The following PBX3 variants were observed in gnomAD, a reference collection of about 807,000 sequenced individuals.
The protein encoded by PBX3 is pre-B-cell leukemia transcription factor 3.
A neutral mutation model predicts 48.5 loss-of-function variants in PBX3; 14 were observed. That is an observed-to-expected ratio of 0.29 (90% CI 0.19 to 0.45). The LOEUF is 0.45. Ranked by LOEUF, PBX3 falls within the 20% of genes least tolerant of loss-of-function variation. PBX3 has a pLI of 1.00. For synonymous variants in PBX3, 210 were observed against 200.3 expected, an observed-to-expected ratio of 1.05 and a Z score of -0.41; for missense variants, 386 against 546.7, an observed-to-expected ratio of 0.71 and a Z score of 2.93.
At chr9:125,898,315 C>G (rs1840822392) in intron 2 of PBX3, among the ~76,000 whole-genome samples, 2 of 151,818 alleles carry the variant, frequency 1.3e-5, no homozygotes, top group Admixed American at 1.3e-4. Flanking sequence ...GAAATTTTCA[C>G]AGTCTCCTTT....
At chr9:125,782,806 C>A (rs59213482) in intron 2 of PBX3, among the ~76,000 whole-genome samples, 8,973 of 152,120 alleles carry the variant, frequency 0.059, 610 homozygotes, top group East Asian at 0.17. Flanking sequence ...TCATTTTTGA[C>A]GGACAATTTT....
At chr9:125,781,727 TCTG>T (rs149602786) in intron 2 of PBX3, among the ~76,000 whole-genome samples, 5,908 of 152,300 alleles carry the variant, frequency 0.039, 402 homozygotes, top group African/African-American at 0.13. Context: ...TTTACTTTCT[TCTG>T]CTAGATTTGG....
chr9:125,871,876 G>C (rs1840133757), intron 2 of PBX3, among the ~76,000 whole-genome samples: 1 of 152,200 alleles, frequency 6.6e-6, no homozygotes, highest in South Asian at 2.1e-4. Context: ...GCACAAAGGT[G>C]CTTCTAGGAA....
intron 2 of PBX3, among the ~76,000 whole-genome samples, chr9:125,852,797 CT>C (rs1270517147): frequency 6.6e-6 from 1 of 152,054 alleles, no homozygotes; most frequent in African/African-American, 2.4e-5. Flanking sequence ...TGAGACATTT[CT>C]TCTGCTTTTA....
intron 2 of PBX3, among the ~76,000 whole-genome samples, chr9:125,754,636 C>T (rs1836463429): frequency 6.6e-6 from 1 of 152,116 alleles, no homozygotes; most frequent in Non-Finnish European, 1.5e-5. Context: ...ACACTTGATT[C>T]TAATTATCCC....
At chr9:125,865,711 C>T (rs764183634) in intron 2 of PBX3, among the ~76,000 whole-genome samples, 4 of 152,086 alleles carry the variant, frequency 2.6e-5, no homozygotes, top group Non-Finnish European at 5.9e-5. Context: ...ATGGTGTCAC[C>T]TGTCTGGAGC....
At chr9:125,849,808 C>T (rs150466004) in intron 2 of PBX3, among the ~76,000 whole-genome samples, 98 of 152,030 alleles carry the variant, frequency 6.4e-4, no homozygotes, top group Non-Finnish European at 1.1e-3. Flanking sequence ...GTTTTCAGTG[C>T]TTTAGATGCA....
intron 2 of PBX3, among the ~76,000 whole-genome samples, chr9:125,909,368 G>A (rs1201829895): frequency 6.6e-6 from 1 of 152,142 alleles, no homozygotes; most frequent in Non-Finnish European, 1.5e-5. Context: ...TTTTCCCACA[G>A]AATGAACACA....
At chr9:125,793,366 A>AAAATATATATAT (rs59271982) in intron 2 of PBX3, among the ~76,000 whole-genome samples, 34 of 101,976 alleles carry the variant, frequency 3.3e-4, no homozygotes, top group African/African-American at 1.1e-3. Flanking sequence ...GGAAAAAAAA[A>AAAATATATATAT]ATATATATAT....
intron 2 of PBX3, among the ~76,000 whole-genome samples, chr9:125,790,345 C>T (rs1298860619): frequency 4.0e-5 from 6 of 150,880 alleles, no homozygotes; most frequent in Non-Finnish European, 7.4e-5. Flanking sequence ...CTCTACCTCC[C>T]GGGTTCAAGT....
At chr9:125,834,507 C>T (rs1839062351) in intron 2 of PBX3, among the ~76,000 whole-genome samples, 1 of 151,748 alleles carries the variant, frequency 6.6e-6, no homozygotes, top group African/African-American at 2.4e-5. Context: ...AAGGGATTCT[C>T]CTGCCTCAGC....
intron 5 of PBX3, among the ~76,000 whole-genome samples, chr9:125,948,830 A>G (rs2118752275): frequency 6.6e-6 from 1 of 152,174 alleles, no homozygotes; most frequent in African/African-American, 2.4e-5. Flanking sequence ...ATAGCAAAAG[A>G]CTGAAAATTC....
intron 2 of PBX3, among the ~76,000 whole-genome samples, chr9:125,910,634 G>A (rs957399152): frequency 6.6e-6 from 1 of 151,566 alleles, no homozygotes; most frequent in Non-Finnish European, 1.5e-5. Context: ...TTAAATAGGA[G>A]TGAAAGTGAC....
intron 3 of PBX3, among the ~76,000 whole-genome samples, chr9:125,919,669 A>G (rs544015713): frequency 5.1e-4 from 77 of 152,332 alleles, no homozygotes; most frequent in Non-Finnish European, 9.0e-4. Context: ...GAAATAAACT[A>G]CATTAGAATC....
chr9:125,801,884 A>G (rs1169874295), intron 2 of PBX3, among the ~76,000 whole-genome samples: 1 of 151,386 alleles, frequency 6.6e-6, no homozygotes, highest in East Asian at 1.9e-4. Flanking sequence ...AAAACTAAAA[A>G]CTCCAGTGTA....
rs1174714934 is a variant in PBX3 at position 125,877,782 on chromosome 9, A to T, written c.275-37904A>T. 2.0e-5 allele frequency among the ~76,000 whole-genome samples: 3 copies of T among 152,176 alleles called. No individual in the cohort carries two copies. In the South Asian group the frequency reaches 6.2e-4, roughly 32 times the overall value. On this transcript the variant is annotated intron_variant, in intron 2 of 8. Transcript: ENST00000373489. ...TGTATCATCGTTAATATCATCATCA[A>T]CAACATCAACAATTACTGAGTACCT...
intron 2 of PBX3, among the ~76,000 whole-genome samples, chr9:125,867,763 T>TAC (rs1233536021): frequency 1.3e-5 from 2 of 151,552 alleles, no homozygotes; most frequent in South Asian, 2.1e-4. Flanking sequence ...TATATATATA[T>TAC]ACACACACAT....
chr9:125,911,767 A>G (rs1240374970), intron 2 of PBX3, among the ~76,000 whole-genome samples: 1 of 152,152 alleles, frequency 6.6e-6, no homozygotes, highest in East Asian at 1.9e-4. Context: ...TAGGAGAAAA[A>G]AAAATCAAAC....
intron 3 of PBX3, among the ~76,000 whole-genome samples, chr9:125,925,401 A>G (rs929086119): frequency 6.0e-4 from 92 of 152,146 alleles, no homozygotes; most frequent in African/African-American, 2.0e-3. Flanking sequence ...CAAAGAGTAC[A>G]AAAAAGGAAT....
Sources: allele counts gnomAD v4.1 joint callset (sites outside exome capture counted in the v4.1 genomes callset), GRCh38; gene constraint gnomAD v4.1.1; transcripts MANE v1.5; gene names NCBI Gene and HGNC (gene_info 2026-07-23, HGNC 2026-07-21).